The following COA8 variants were observed in gnomAD, a reference collection of about 807,000 sequenced individuals.
COA8 encodes the protein UPF0671 protein C14orf153.
Under a neutral mutation model 22.0 loss-of-function variants are expected in COA8, and 20 were observed. The observed-to-expected ratio is 0.91, with a 90% confidence interval of 0.64 to 1.32. COA8 has a LOEUF of 1.32. COA8 is among the 40% of genes most tolerant of loss of function. The pLI, the probability that COA8 is intolerant of heterozygous loss-of-function variation, is 0.00. For synonymous variants in COA8, 105 were observed against 79.9 expected, an observed-to-expected ratio of 1.31 and a Z score of -1.68; for missense variants, 266 against 230.0, an observed-to-expected ratio of 1.16 and a Z score of -1.01.
intron 4 of COA8, among the ~76,000 whole-genome samples, chr14:103,588,931 A>C (rs1348107468): frequency 3.3e-5 from 5 of 152,224 alleles, no homozygotes; most frequent in Non-Finnish European, 7.3e-5. Context: ...TCTGGATTCC[A>C]TTTCTAAGGT....
intron 3 of COA8, among the ~76,000 whole-genome samples, chr14:103,586,857 C>T (rs1729593159): frequency 6.6e-6 from 1 of 152,060 alleles, no homozygotes; most frequent in African/African-American, 2.4e-5. Flanking sequence ...GCGTGAGTCA[C>T]CACATCTGGC....
At chr14:103,589,893 G>A (rs375233098) in intron 4 of COA8, among the ~76,000 whole-genome samples, 21 of 151,848 alleles carry the variant, frequency 1.4e-4, no homozygotes, top group African/African-American at 5.1e-4. Flanking sequence ...CAGCCTGGGC[G>A]ACAGACCGAG....
chr14:103,565,689 C>T (rs1297865625), intron 1 of COA8, among the ~76,000 whole-genome samples: 3 of 150,762 alleles, frequency 2.0e-5, no homozygotes, highest in Admixed American at 6.6e-5. Flanking sequence ...GATCTCAGCT[C>T]ACTGCAACCT....
At chr14:103,574,718 C>T (rs2076217877) in intron 3 of COA8, 1 of 291,942 alleles carries the variant, frequency 3.4e-6, no homozygotes, top group African/African-American at 2.3e-5. Flanking sequence ...GGGCCAGGAG[C>T]TTGAGTCACC....
intron 3 of COA8, among the ~76,000 whole-genome samples, chr14:103,575,366 A>T (rs1487915199): frequency 6.6e-6 from 1 of 152,244 alleles, no homozygotes; most frequent in African/African-American, 2.4e-5. Flanking sequence ...GCTGGCCTTA[A>T]ATTAGGTTTG....
intron 1 of COA8, among the ~76,000 whole-genome samples, chr14:103,568,284 G>A (rs1459564230): frequency 1.3e-5 from 2 of 152,172 alleles, no homozygotes; most frequent in African/African-American, 4.8e-5. Context: ...AGATGCTGGG[G>A]TGGGAGTGCT....
intron 3 of COA8, among the ~76,000 whole-genome samples, chr14:103,578,931 G>A (rs550757389): frequency 2.5e-4 from 38 of 152,266 alleles, no homozygotes; most frequent in Admixed American, 5.9e-4. Flanking sequence ...TGAGGTGCGC[G>A]GTTGCTGTCA....
chr14:103,587,911 A>T (rs1376998178), intron 4 of COA8: 1 of 158,930 alleles, frequency 6.3e-6, no homozygotes, highest in Non-Finnish European at 1.4e-5. Flanking sequence ...TTAGGAGGCC[A>T]AGGTGGGCAG....
At chr14:103,583,980 T>TG (rs1195887208) in intron 3 of COA8, among the ~76,000 whole-genome samples, 2 of 152,222 alleles carry the variant, frequency 1.3e-5, no homozygotes, top group African/African-American at 2.4e-5. Context: ...TGGCAAGGTA[T>TG]GGGGGCATGC....
chr14:103,579,834 A>G (rs1286997036), intron 3 of COA8, among the ~76,000 whole-genome samples: 1 of 151,142 alleles, frequency 6.6e-6, no homozygotes. Context: ...GTGGTGGCGT[A>G]TGCCTGTAAT....
chr14:103,590,354 C>T lies in COA8; in HGVS notation c.*68C>T, dbSNP rs1033988915. On this transcript the variant is annotated 3_prime_UTR_variant, in exon 5 of 5. Coordinates refer to ENST00000409074, the MANE Select transcript of COA8 (RefSeq NM_001370595.2). Reference sequence around the variant, plus strand: ...GCAGATGGAGCTCCTTTCACAGGGGCTCTGAGAAAAACTGGAGCTGATCTC... The same window carrying T: ...GCAGATGGAGCTCCTTTCACAGGGGTTCTGAGAAAAACTGGAGCTGATCTC... 4 of 1,423,348 alleles carry T rather than the reference C, an allele frequency of 2.8e-6. No individual in the cohort carries two copies. The highest frequency in any genetic ancestry group is 3.9e-6 in the Non-Finnish European group (4 of 1,029,354). 88.2% of individuals were successfully genotyped at this position (1,423,348 alleles called of 1,614,324 possible). A position where few individuals can be genotyped will look rare whatever the true frequency, so the allele number is the denominator to read the frequency against.
intron 3 of COA8, among the ~76,000 whole-genome samples, chr14:103,577,316 T>C (rs549621690): frequency 4.4e-4 from 67 of 152,146 alleles, no homozygotes; most frequent in African/African-American, 1.2e-3. Context: ...CCTCAAGTGA[T>C]CTTCTCATCT....
chr14:103,567,004 C>T (rs1271183830), intron 1 of COA8, among the ~76,000 whole-genome samples: 4 of 152,166 alleles, frequency 2.6e-5, no homozygotes, highest in Admixed American at 2.0e-4. Context: ...ACCTCACTGG[C>T]TCAAGTAATC....
rs746410863 is a variant in COA8 at position 103,581,947 on chromosome 14, C to T, written c.386-5327C>T. The stretch of plus-strand genomic sequence containing the variant: ...CTGTGGAGGGAGGGTGGAATCATGC[C>T]TTTGGCCACTTTGCCCACTCCCCCT... On this transcript the variant is annotated intron_variant, in intron 3 of 4. Coordinates refer to ENST00000409074, the MANE Select transcript of COA8 (RefSeq NM_001370595.2). The surrounding 1 kb of genome is among the most constrained non-coding windows in gnomAD (Gnocchi z 4.1). 2.6e-5 allele frequency among the ~76,000 whole-genome samples: 4 copies of T among 152,208 alleles called. No individual in the cohort carries two copies. The highest frequency in any genetic ancestry group is 4.1e-4 in the South Asian group (2 of 4,838).
chr14:103,571,863 C>CA, intron 2 of COA8, 43 bp downstream of exon 2: 1 of 1,559,466 alleles, frequency 6.4e-7, no homozygotes, highest in Non-Finnish European at 8.8e-7. Flanking sequence ...TGCGGTGGCT[C>CA]ACGCCTGTAA....
At chr14:103,587,701 G>T (rs2076319711) in intron 4 of COA8, among the ~76,000 whole-genome samples, 1 of 151,330 alleles carries the variant, frequency 6.6e-6, no homozygotes, top group African/African-American at 2.4e-5. Flanking sequence ...TAGAGACAGG[G>T]TTTCACCGTG....
At chr14:103,590,132 C>T (rs2076339423) in intron 4 of COA8, 49 bp from the exon 5 acceptor site, 10 of 1,537,790 alleles carry the variant, frequency 6.5e-6, no homozygotes, top group Non-Finnish European at 9.0e-6. Context: ...GGGCACCAAG[C>T]CTCAGTCCCT....
intron 3 of COA8, among the ~76,000 whole-genome samples, chr14:103,585,545 A>G (rs558212991): frequency 7.3e-5 from 11 of 150,486 alleles, no homozygotes; most frequent in Non-Finnish European, 1.2e-4. Flanking sequence ...ATGATTAGCA[A>G]ATGTTTTTCT....
Position 103,563,365 on chromosome 14 carries a change from T to C in COA8, c.123+241T>C, listed in dbSNP as rs899051649. ...TGTTGACAGCCAGAACCTTTAAGCG[T>C]AACAGAGTCACCTGGCAAGTTTGTA... is the stretch of plus-strand genomic sequence containing the variant. On this transcript the variant is annotated intron_variant, in intron 1 of 4. Transcript: ENST00000409074. 8.8e-6 allele frequency: 6 copies of C among 683,136 alleles called. No homozygotes were observed. The Admixed American group carries it at 1.3e-4, about 14-fold the overall frequency. The allele number at this position is 683,136 out of a possible 1,614,324, so 42.3% of individuals were successfully genotyped here.
Sources: allele counts gnomAD v4.1 joint callset (sites outside exome capture counted in the v4.1 genomes callset), GRCh38; gene constraint gnomAD v4.1.1; non-coding constraint Gnocchi (gnomAD v3.1); transcripts MANE v1.5; gene names NCBI Gene and HGNC (gene_info 2026-07-23, HGNC 2026-07-21).